SLC51A: variants seen among roughly 807,000 people sequenced by gnomAD.
The protein encoded by SLC51A is organic solute transporter subunit alpha.
Under a neutral mutation model 34.8 loss-of-function variants are expected in SLC51A, and 22 were observed. The observed-to-expected ratio is 0.63, with a 90% CI of 0.45 to 0.90. The LOEUF (loss-of-function observed/expected upper bound fraction) is 0.90, where lower values mean the gene tolerates loss of function less well. Ranked by LOEUF, SLC51A falls within the 40% of genes least tolerant of loss-of-function variation. The pLI is 0.00. For missense variants in SLC51A, 371 were observed against 414.8 expected, an observed-to-expected ratio of 0.89 and a Z score of 0.92; for synonymous variants, 181 against 176.3, an observed-to-expected ratio of 1.03 and a Z score of -0.21.
rs1723948451 is a variant in SLC51A at position 196,228,364 on chromosome 3, T to C, written c.521+91T>C. The C allele has an allele frequency of 6.8e-7, 1 of 1,466,012 alleles. No homozygotes were observed. Among genetic ancestry groups the C allele is most frequent in the Non-Finnish European group, 9.0e-7 (1 of 1,105,584 alleles). The allele number at this position is 1,466,012 out of a possible 1,614,324, so 90.8% of individuals were successfully genotyped here. A position where few individuals can be genotyped will look rare whatever the true frequency, so the allele number is the denominator to read the frequency against. The stretch of plus-strand genomic sequence containing the variant: ...CAAGGCTCTGGGAATTAGGCGTGAA[T>C]AGGCCAAAGCCAGTGACGGAAGGGT... On this transcript the variant is annotated intron_variant, in intron 5 of 8. Coordinates refer to ENST00000296327, the MANE Select transcript of SLC51A (RefSeq NM_152672.6). This position sits in a 1 kb window ranked among gnomAD's most constrained non-coding sequence, Gnocchi z 4.9.
intron 2 of SLC51A, among the ~76,000 whole-genome samples, chr3:196,224,732 AGGAGAGG>A (rs1219708282): frequency 1.5e-3 from 50 of 34,378 alleles, no homozygotes; most frequent in Middle Eastern, 0.018. Flanking sequence ...AGGAGAGGGG[AGGAGAGG>A]GGAGAGGGGA....
At chr3:196,221,518 G>T (rs879670917) in intron 2 of SLC51A, among the ~76,000 whole-genome samples, 1 of 151,806 alleles carries the variant, frequency 6.6e-6, no homozygotes, top group Non-Finnish European at 1.5e-5. Context: ...CTCCTGCCTC[G>T]GCCTCCTGAA....
intron 2 of SLC51A, among the ~76,000 whole-genome samples, chr3:196,219,888 G>T (rs186233989): frequency 6.6e-6 from 1 of 152,210 alleles, no homozygotes; most frequent in East Asian, 1.9e-4. Context: ...CAATGAAAAC[G>T]GTTCTCACAT....
In SLC51A at chr3:196,216,590, C is replaced by G. The variant is rs768878813; in HGVS notation, c.-123C>G. The G allele has an allele frequency of 1.0e-6, 1 of 992,694 alleles. No individual in the cohort carries two copies. Among genetic ancestry groups the G allele is most frequent in the South Asian group, 1.4e-5 (1 of 72,954 alleles). 61.5% of individuals were successfully genotyped at this position (992,694 alleles called of 1,614,324 possible). ...AGGGAGAGCGGCAGAGGGGAAGACT[C>G]TGCAATTCTGCTTGCCCCCCACCCC... On this transcript the variant is annotated 5_prime_UTR_variant, in exon 1 of 9. Coordinates refer to ENST00000296327, the MANE Select transcript of SLC51A (RefSeq NM_152672.6). This position sits in a 1 kb window ranked among gnomAD's most constrained non-coding sequence, Gnocchi z 4.5.
intron 2 of SLC51A, among the ~76,000 whole-genome samples, 192 bp from the exon 3 acceptor site, chr3:196,226,773 T>TAAAAAAAAAAAAAAAAAAA (rs780868037): frequency 6.5e-5 from 7 of 107,582 alleles, no homozygotes; most frequent in African/African-American, 2.5e-4. Flanking sequence ...GGCTCCGTCT[T>TAAAAAAAAAAAAAAAAAAA]AAAAAAAAAA....
At position 196,217,774 on chromosome 3, in the gene SLC51A, G is replaced by A. The variant is rs912564014; in HGVS notation, c.39-68G>A. 5 of 1,340,370 alleles carry A rather than the reference G, an allele frequency of 3.7e-6. No homozygotes were observed. The Admixed American group carries it at 5.5e-5, about 15-fold the overall frequency. The allele number at this position is 1,340,370 out of a possible 1,614,324, so 83.0% of individuals were successfully genotyped here. ...GTCCTGCACTCAGGAGTGGTTGAGG[G>A]TCCAGTGTGCAACCCTCCCCCTTCC... On this transcript the variant is annotated intron_variant, in intron 1 of 8. Coordinates refer to ENST00000296327, the MANE Select transcript of SLC51A (RefSeq NM_152672.6).
chr3:196,228,040 A>G lies in SLC51A; in HGVS notation c.363-75A>G, dbSNP rs1723940468. The G allele has an allele frequency of 6.4e-7, 1 of 1,557,584 alleles. No homozygotes were observed. The highest frequency in any genetic ancestry group is 8.7e-7 in the Non-Finnish European group (1 of 1,147,452). On this transcript the variant is annotated intron_variant, in intron 4 of 8. Transcript: ENST00000296327. This position sits in a 1 kb window ranked among gnomAD's most constrained non-coding sequence, Gnocchi z 4.9. ...ACGCCCAGCCCTAGCTCTGCTCCTCAGTAAGCCCCACCTCTCCCTGCTGTC... is the reference window on the plus strand; with the variant it reads ...ACGCCCAGCCCTAGCTCTGCTCCTCGGTAAGCCCCACCTCTCCCTGCTGTC...
chr3:196,220,156 G>A (rs914368217), intron 2 of SLC51A, among the ~76,000 whole-genome samples: 1 of 152,260 alleles, frequency 6.6e-6, no homozygotes, highest in Non-Finnish European at 1.5e-5. Flanking sequence ...GAGGCCCGCT[G>A]CGCGCCGGGC....
At chr3:196,226,865 G>A in intron 2 of SLC51A, 100 bp from the exon 3 acceptor site, 1 of 1,173,066 alleles carries the variant, frequency 8.5e-7, no homozygotes, top group Non-Finnish European at 1.2e-6. Context: ...GTGCACGGGT[G>A]GGAGCCTAGA....
chr3:196,217,402 T>G (rs1443744178), intron 1 of SLC51A, among the ~76,000 whole-genome samples: 2 of 152,068 alleles, frequency 1.3e-5, no homozygotes, highest in African/African-American at 4.8e-5. Flanking sequence ...CCGGGCCTGG[T>G]GGCGTGCACC....
At chr3:196,231,277 T>C (rs1724023494) in intron 7 of SLC51A, among the ~76,000 whole-genome samples, 1 of 152,214 alleles carries the variant, frequency 6.6e-6, no homozygotes, top group African/African-American at 2.4e-5. Context: ...TACCCTGCCC[T>C]TCATCTTCAC....
chr3:196,227,229 A>G, intron 3 of SLC51A, 110 bp downstream of exon 3: 1 of 1,198,640 alleles, frequency 8.3e-7, no homozygotes. Context: ...TCCTGCCACG[A>G]CCCGCGGAGG....
chr3:196,221,468 G>A (rs73083243), intron 2 of SLC51A, among the ~76,000 whole-genome samples: 2,460 of 151,994 alleles, frequency 0.016, 69 homozygotes, highest in African/African-American at 0.056. Flanking sequence ...GTCTGACTTC[G>A]TTGCCCAGGC....
rs780868037 is a variant in SLC51A, at chr3:196,226,773, T to TAAAAAAAAAAAAA, written c.134-188_134-176dup. 2.4e-3 allele frequency among the ~76,000 whole-genome samples: 260 copies of TAAAAAAAAAAAAA among 107,498 alleles called. 1 individual carries two copies. The highest frequency in any genetic ancestry group is 9.0e-3 in the African/African-American group (248 of 27,474). The allele number at this position is 107,498 out of a possible 152,430, so 70.5% of individuals were successfully genotyped here. ...TGGGCAACAGAGTGAGGCTCCGTCT[T>TAAAAAAAAAAAAA]AAAAAAAAAAAAAAAAGAAAAAGAA... On this transcript the variant is annotated intron_variant, in intron 2 of 8. Coordinates refer to ENST00000296327, the MANE Select transcript of SLC51A (RefSeq NM_152672.6).
intron 2 of SLC51A, chr3:196,223,798 A>C: frequency 2.5e-6 from 1 of 401,312 alleles, no homozygotes; most frequent in South Asian, 1.8e-5. Context: ...AATCATCTAC[A>C]GTCCCACCCA....
In SLC51A at chr3:196,228,307, CG is replaced by C. The variant is rs1560154577; in HGVS notation, c.521+38del. 1 of 1,589,414 alleles carries C rather than the reference CG, an allele frequency of 6.3e-7. No individual in the cohort carries two copies. Among genetic ancestry groups the C allele is most frequent in the African/African-American group, 1.3e-5 (1 of 74,590 alleles). On this transcript the variant is annotated intron_variant, in intron 5 of 8. Coordinates refer to ENST00000296327, the MANE Select transcript of SLC51A (RefSeq NM_152672.6). This position sits in a 1 kb window ranked among gnomAD's most constrained non-coding sequence, Gnocchi z 4.9. ...GGGCCAAGGTGCCTTCCCCAGGAGCCGGGGAGCCTCTCCTGGACCCCTGGTC... is the reference window on the plus strand; with the variant it reads ...GGGCCAAGGTGCCTTCCCCAGGAGCCGGGAGCCTCTCCTGGACCCCTGGTC...
At chr3:196,219,099 A>ATG (rs1723672209) in intron 2 of SLC51A, among the ~76,000 whole-genome samples, 2 of 152,008 alleles carry the variant, frequency 1.3e-5, no homozygotes, top group Admixed American at 6.6e-5. Flanking sequence ...GGTGGCGGGC[A>ATG]CCTGTAATCC....
rs765876715 is a variant in SLC51A at position 196,227,592 on chromosome 3, C to A, written c.289-72C>A. 1.8e-5 allele frequency: 25 copies of A among 1,387,718 alleles called. No individual in the cohort carries two copies. In the East Asian group the frequency reaches 4.1e-4, roughly 23 times the overall value. 86.0% of individuals were successfully genotyped at this position (1,387,718 alleles called of 1,614,324 possible). ...ATGTGTAGGTTTTGCCTCCTGTGTC[C>A]TTGCCGCAAAAGGCTTCCGGAGCCT... is the stretch of plus-strand genomic sequence containing the variant. On this transcript the variant is annotated intron_variant, in intron 3 of 8. Transcript: ENST00000296327.
intron 2 of SLC51A, among the ~76,000 whole-genome samples, chr3:196,225,166 G>A (rs1723865260): frequency 6.6e-6 from 1 of 151,970 alleles, no homozygotes; most frequent in South Asian, 2.1e-4. Flanking sequence ...TAGAGGTGGG[G>A]TTTCACTATG....
Sources: gnomAD v4.1 joint callset for allele counts (sites outside exome capture counted in the v4.1 genomes callset) on GRCh38, gnomAD v4.1.1 for gene constraint, Gnocchi (gnomAD v3.1) non-coding constraint, MANE v1.5 for transcripts, NCBI Gene and HGNC (gene_info 2026-07-23, HGNC 2026-07-21) for gene names.